The following UTS2B variants were observed in gnomAD, a reference collection of about 807,000 sequenced individuals.
UTS2B encodes the protein urotensin-2B.
A neutral mutation model predicts 19.2 loss-of-function variants in UTS2B; 21 were observed. The ratio of observed to expected loss-of-function variants is 1.09; its 90% confidence interval spans 0.78 to 1.58. The LOEUF (loss-of-function observed/expected upper bound fraction) is 1.58. Among genes scored for constraint, UTS2B ranks in the 40% most tolerant of loss-of-function variants. UTS2B has a pLI of 0.00. For synonymous variants in UTS2B, 57 were observed against 50.2 expected, an observed-to-expected ratio of 1.14 and a Z score of -0.58; for missense variants, 138 against 130.3, an observed-to-expected ratio of 1.06 and a Z score of -0.29.
chr3:191,318,016 A>G (rs1444249896), intron 2 of UTS2B, among the ~76,000 whole-genome samples: 1 of 152,188 alleles, frequency 6.6e-6, no homozygotes, highest in African/African-American at 2.4e-5. Flanking sequence ...TTGGTTAATT[A>G]GTTACAGGTC....
chr3:191,322,572 G>A (rs894884966), intron 2 of UTS2B, among the ~76,000 whole-genome samples: 26 of 152,258 alleles, frequency 1.7e-4, no homozygotes, highest in African/African-American at 5.8e-4. Context: ...CATAAGAATA[G>A]ACAAATATTC....
chr3:191,284,982 T>G (rs550822784), intron 4 of UTS2B, among the ~76,000 whole-genome samples: 18 of 152,144 alleles, frequency 1.2e-4, no homozygotes, highest in Non-Finnish European at 1.8e-4. Flanking sequence ...AATTAGTAAC[T>G]TGAAAGCATG....
upstream of UTS2B, among the ~76,000 whole-genome samples, chr3:191,334,721 CTTTT>C (rs1343514498): frequency 6.6e-6 from 1 of 152,086 alleles, no homozygotes; most frequent in Non-Finnish European, 1.5e-5. Flanking sequence ...CCCCTTCTTT[CTTTT>C]AAATTGTTCT....
In UTS2B at chr3:191,325,354, C is replaced by G. The variant is rs555394749; in HGVS notation, c.-586+3277G>C. On this transcript the variant is annotated intron_variant, in intron 2 of 8. Coordinates refer to ENST00000340524, the MANE Select transcript of UTS2B (RefSeq NM_198152.5). ...AATAAGATAAAAACCATGGCACCTC[C>G]AGGTCCAATGGGGTCTAGGGTATGT... is the stretch of plus-strand genomic sequence containing the variant. 6.6e-5 allele frequency among the ~76,000 whole-genome samples: 10 copies of G among 152,264 alleles called. No homozygotes were observed. The South Asian group carries it at 2.1e-3, about 32-fold the overall frequency.
intron 4 of UTS2B, among the ~76,000 whole-genome samples, chr3:191,291,676 T>A (rs1344736350): frequency 6.6e-6 from 1 of 152,118 alleles, no homozygotes; most frequent in Non-Finnish European, 1.5e-5. Flanking sequence ...ATGGCCTCCA[T>A]CTCCTGACCT....
intron 5 of UTS2B, among the ~76,000 whole-genome samples, chr3:191,281,554 T>C (rs1432236354): frequency 6.6e-6 from 1 of 151,762 alleles, no homozygotes; most frequent in East Asian, 1.9e-4. Flanking sequence ...CAATGTGTAA[T>C]GTAGGTGTTA....
At chr3:191,268,484 T>C (rs1268535111) in intron 8 of UTS2B, 43 bp from the exon 9 acceptor site, 2 of 1,416,502 alleles carry the variant, frequency 1.4e-6, no homozygotes, top group Non-Finnish European at 1.9e-6. Context: ...GAAGTATATT[T>C]GATAAAACTT....
chr3:191,313,211 T>A (rs1344098518), intron 3 of UTS2B, among the ~76,000 whole-genome samples: 1 of 152,032 alleles, frequency 6.6e-6, no homozygotes, highest in Non-Finnish European at 1.5e-5. Context: ...GCCAGTCTGG[T>A]CTCCAACTCC....
At chr3:191,326,642 C>G (rs1401804319) in intron 2 of UTS2B, among the ~76,000 whole-genome samples, 1 of 152,140 alleles carries the variant, frequency 6.6e-6, no homozygotes. Context: ...TCCTGAGAAG[C>G]CTTATGCTTT....
chr3:191,287,809 A>G (rs988539411), intron 4 of UTS2B, among the ~76,000 whole-genome samples: 1 of 151,680 alleles, frequency 6.6e-6, no homozygotes, highest in Non-Finnish European at 1.5e-5. Context: ...TTAGAAAAAA[A>G]GAAAGAAAGG....
chr3:191,302,221 C>T (rs1560141566), intron 4 of UTS2B, among the ~76,000 whole-genome samples: 1 of 152,214 alleles, frequency 6.6e-6, no homozygotes, highest in African/African-American at 2.4e-5. Flanking sequence ...AAAAGACACT[C>T]CCGCCAGCAT....
intron 4 of UTS2B, among the ~76,000 whole-genome samples, chr3:191,285,423 A>G (rs893663954): frequency 6.6e-6 from 1 of 152,216 alleles, no homozygotes; most frequent in Non-Finnish European, 1.5e-5. Flanking sequence ...GAGAAGAAGA[A>G]GCAAAGAAAG....
the UTS2B span, among the ~76,000 whole-genome samples, chr3:191,337,636 C>T: frequency 6.6e-6 from 1 of 152,000 alleles, no homozygotes; most frequent in Non-Finnish European, 1.5e-5. Flanking sequence ...AGCCACTGCA[C>T]CCAGCCTCTT....
At chr3:191,301,948 AAC>A (rs1341727841) in intron 4 of UTS2B, among the ~76,000 whole-genome samples, 1 of 152,146 alleles carries the variant, frequency 6.6e-6, no homozygotes, top group Non-Finnish European at 1.5e-5. Flanking sequence ...AGGCATTTGA[AAC>A]AGAGTGACAT....
chr3:191,331,899 G>C (rs562374104), upstream of UTS2B, among the ~76,000 whole-genome samples: 49 of 152,176 alleles, frequency 3.2e-4, no homozygotes, highest in African/African-American at 1.2e-3. Context: ...ATTTGAGAAG[G>C]GTTAGTAGTA....
At chr3:191,319,916 G>A (rs1717570381) in intron 2 of UTS2B, among the ~76,000 whole-genome samples, 1 of 149,228 alleles carries the variant, frequency 6.7e-6, no homozygotes, top group Admixed American at 6.7e-5. Flanking sequence ...CTTACTTTTT[G>A]GAAAATTATT....
the UTS2B span, among the ~76,000 whole-genome samples, chr3:191,339,233 T>C: frequency 5.9e-5 from 9 of 152,216 alleles, no homozygotes; most frequent in African/African-American, 1.7e-4. Flanking sequence ...GGGGATGATA[T>C]GTTCAATTTG....
rs762399190 is a variant in UTS2B at position 191,282,232 on chromosome 3, A to C, written c.-43T>G. ...GGACTAGCAAAGAAACAGACTTTCC[A>C]GGTCAAGATGGATATTTCTATAGCT... On this transcript the variant is annotated 5_prime_UTR_variant, in exon 5 of 9. Coordinates refer to ENST00000340524, the MANE Select transcript of UTS2B (RefSeq NM_198152.5). 7.0e-7 allele frequency: 1 copy of C among 1,437,756 alleles called. No individual in the cohort carries two copies. The highest frequency in any genetic ancestry group is 9.6e-7 in the Non-Finnish European group (1 of 1,037,866). 89.1% of individuals were successfully genotyped at this position (1,437,756 alleles called of 1,614,324 possible). A position where few individuals can be genotyped will look rare whatever the true frequency, so the allele number is the denominator to read the frequency against.
intron 3 of UTS2B, among the ~76,000 whole-genome samples, chr3:191,315,118 T>C (rs1046885304): frequency 1.3e-5 from 2 of 151,946 alleles, no homozygotes; most frequent in Admixed American, 1.3e-4. Context: ...GTTCAAGTGA[T>C]TCTCCTGCCT....
Sources: gnomAD v4.1 joint callset for allele counts (sites outside exome capture counted in the v4.1 genomes callset) on GRCh38, gnomAD v4.1.1 for gene constraint, MANE v1.5 for transcripts, NCBI Gene and HGNC (gene_info 2026-07-23, HGNC 2026-07-21) for gene names.